The following WDR72 variants were observed in gnomAD, a reference collection of about 807,000 sequenced individuals.
WDR72 encodes the protein WD repeat domain 72.
WDR72 carries 120 observed loss-of-function variants against 124.2 expected under a neutral mutation model. That is an observed-to-expected ratio of 0.97 (90% CI 0.83 to 1.12). WDR72 has a LOEUF of 1.12. Ranked by LOEUF, WDR72 falls within the 50% of genes most tolerant of loss-of-function variation. WDR72 has a pLI of 0.00. For synonymous variants in WDR72, 452 were observed against 441.7 expected (o/e 1.02, Z -0.29); for missense variants, 1,387 against 1,278.8 (o/e 1.08, Z -1.29).
intron 17 of WDR72, among the ~76,000 whole-genome samples, chr15:53,607,153 A>C (rs1365157837): frequency 6.6e-6 from 1 of 152,136 alleles, no homozygotes; most frequent in Admixed American, 6.6e-5. Context: ...TACTGCTAAA[A>C]TTTTGAGACC....
At chr15:53,672,538 T>C (rs1393624748) in intron 13 of WDR72, among the ~76,000 whole-genome samples, 1 of 152,186 alleles carries the variant, frequency 6.6e-6, no homozygotes, top group Non-Finnish European at 1.5e-5. Context: ...ATAATCACTT[T>C]GTGATGTACC....
At chr15:53,541,512 G>C (rs55729438) in intron 18 of WDR72, among the ~76,000 whole-genome samples, 23,724 of 150,614 alleles carry the variant, frequency 0.16, 2,192 homozygotes, top group South Asian at 0.25. Flanking sequence ...TCATCAAAGA[G>C]CAAAAGTAGA....
rs891676486 is a variant in WDR72, at chr15:53,514,081, A to G, written c.*3618T>C. On this transcript the variant is annotated 3_prime_UTR_variant, in exon 20 of 20. Transcript: ENST00000360509. ...GAAGCCATGCAGCTTTGTCTGAAAG[A>G]TACCTACTCAAGTAAGTTTTAATTT... The G allele has an allele frequency of 6.6e-6, 1 of 152,226 alleles. No homozygotes were observed. Among genetic ancestry groups the G allele is most frequent in the Non-Finnish European group, 1.5e-5 (1 of 68,044 alleles). The allele number at this position is 152,226 out of a possible 1,614,324, so 9.4% of individuals were successfully genotyped here. A position where few individuals can be genotyped will look rare whatever the true frequency, so the allele number is the denominator to read the frequency against.
At chr15:53,698,301 CA>C (rs2140516572) in intron 13 of WDR72, among the ~76,000 whole-genome samples, 1 of 152,244 alleles carries the variant, frequency 6.6e-6, no homozygotes, top group Non-Finnish European at 1.5e-5. Context: ...TGGATTCTAT[CA>C]CCTATGAAAA....
chr15:53,714,196 T>TGTGTGC (rs2017638258), intron 6 of WDR72, among the ~76,000 whole-genome samples: 1 of 151,714 alleles, frequency 6.6e-6, no homozygotes, highest in Non-Finnish European at 1.5e-5. Context: ...TGTGTGTGTG[T>TGTGTGC]GTGTGTGTAA....
intron 16 of WDR72, among the ~76,000 whole-genome samples, chr15:53,610,175 C>A (rs1206359466): frequency 1.3e-5 from 2 of 152,094 alleles, no homozygotes; most frequent in Non-Finnish European, 2.9e-5. Flanking sequence ...TGTTTGCCCT[C>A]TCCAGTGTCC....
At position 53,604,547 on chromosome 15, in the gene WDR72, C is replaced by T. The variant is rs542879019; in HGVS notation, c.2952+4966G>A. ...ACTATCAATAGAGCAAACAGGCAAC[C>T]TGCAGAATGGGAGAAAATTTTTGCA... On this transcript the variant is annotated intron_variant, in intron 17 of 19. Coordinates refer to ENST00000360509, the MANE Select transcript of WDR72 (RefSeq NM_182758.4). Among the ~76,000 whole-genome samples the T allele has an allele frequency of 2.0e-5, 3 of 152,246 alleles. 1 individual carries two copies. Among genetic ancestry groups the T allele is most frequent in the Admixed American group, 2.0e-4 (3 of 15,294 alleles).
At chr15:53,670,214 A>G (rs1229095449) in intron 13 of WDR72, among the ~76,000 whole-genome samples, 1 of 152,186 alleles carries the variant, frequency 6.6e-6, no homozygotes, top group Non-Finnish European at 1.5e-5. Flanking sequence ...CTTAAACTAT[A>G]CAATAGTGCA....
chr15:53,686,068 C>G (rs1329681378), intron 13 of WDR72, among the ~76,000 whole-genome samples: 1 of 149,884 alleles, frequency 6.7e-6, no homozygotes, highest in African/African-American at 2.5e-5. Context: ...AAGTGCTAAA[C>G]ATGGAAAGGA....
At chr15:53,741,900 G>GT (rs2018521079) in intron 1 of WDR72, among the ~76,000 whole-genome samples, 1 of 152,054 alleles carries the variant, frequency 6.6e-6, no homozygotes, top group Non-Finnish European at 1.5e-5. Flanking sequence ...GCTAACTTTT[G>GT]TATTTTTAGT....
At chr15:53,582,750 C>T (rs906443096) in intron 18 of WDR72, among the ~76,000 whole-genome samples, 4 of 151,924 alleles carry the variant, frequency 2.6e-5, no homozygotes, top group African/African-American at 9.6e-5. Flanking sequence ...ATATTTAAAG[C>T]AAATTTACCA....
chr15:53,692,672 C>T (rs964485818), intron 13 of WDR72, among the ~76,000 whole-genome samples: 5 of 152,098 alleles, frequency 3.3e-5, no homozygotes, highest in Admixed American at 1.3e-4. Flanking sequence ...AGTTCATATA[C>T]AACAGCATGT....
intron 18 of WDR72, among the ~76,000 whole-genome samples, chr15:53,571,262 T>C (rs942523235): frequency 6.6e-6 from 1 of 152,082 alleles, no homozygotes; most frequent in African/African-American, 2.4e-5. Context: ...GTAAAAAATA[T>C]GCATATTTAT....
At chr15:53,685,152 G>A (rs1000268700) in intron 13 of WDR72, among the ~76,000 whole-genome samples, 8 of 149,516 alleles carry the variant, frequency 5.4e-5, no homozygotes, top group African/African-American at 7.4e-5. Context: ...AACGCAGAGC[G>A]CCTCTCCTCC....
chr15:53,625,400 GA>G (rs2014164163), intron 14 of WDR72, among the ~76,000 whole-genome samples: 1 of 152,204 alleles, frequency 6.6e-6, no homozygotes, highest in Non-Finnish European at 1.5e-5. Context: ...ACTACTCTCT[GA>G]AATCCCAGGT....
At chr15:53,760,745 G>C (rs986732256), upstream of WDR72, among the ~76,000 whole-genome samples, 8 of 152,126 alleles carry the variant, frequency 5.3e-5, no homozygotes, top group African/African-American at 1.9e-4. Context: ...TTAGTTTTTT[G>C]AGAAAGCTCC....
chr15:53,615,397 T>C, intron 15 of WDR72, 29 bp downstream of exon 15: 1 of 1,518,916 alleles, frequency 6.6e-7, no homozygotes, highest in Non-Finnish European at 9.1e-7. Flanking sequence ...CATAATCTAG[T>C]ATAGTCAAAA....
intron 14 of WDR72, among the ~76,000 whole-genome samples, chr15:53,627,482 C>T (rs1314812088): frequency 1.3e-5 from 2 of 152,204 alleles, no homozygotes; most frequent in Non-Finnish European, 2.9e-5. Context: ...TGCAGGATTA[C>T]ACTAACAGTG....
intron 18 of WDR72, among the ~76,000 whole-genome samples, chr15:53,568,293 G>A (rs1894376149): frequency 6.6e-6 from 1 of 151,544 alleles, no homozygotes; most frequent in African/African-American, 2.4e-5. Context: ...ATAAGCTTTT[G>A]TTTTTTACAG....
Sources: gnomAD v4.1 joint callset for allele counts (sites outside exome capture counted in the v4.1 genomes callset) on GRCh38, gnomAD v4.1.1 for gene constraint, MANE v1.5 for transcripts, NCBI Gene and HGNC (gene_info 2026-07-23, HGNC 2026-07-21) for gene names.